The following DTNB variants were observed in gnomAD, a reference collection of about 807,000 sequenced individuals.
DTNB encodes dystrobrevin beta.
DTNB carries 63 observed loss-of-function variants against 90.7 expected under a neutral mutation model. That is an observed-to-expected ratio of 0.69 (90% CI 0.57 to 0.86). The LOEUF is 0.86. Ranked by LOEUF, DTNB falls within the 40% of genes least tolerant of loss-of-function variation. The pLI, the probability that DTNB is intolerant of heterozygous loss-of-function variation, is 0.00. For synonymous variants in DTNB, 277 were observed against 286.7 expected (o/e 0.97, Z 0.34); for missense variants, 744 against 807.1 (o/e 0.92, Z 0.95).
chr2:25,546,917 G>A (rs79780234), intron 8 of DTNB, among the ~76,000 whole-genome samples: 1,829 of 151,612 alleles, frequency 0.012, 37 homozygotes, highest in African/African-American at 0.042. Context: ...TGCAATCAGC[G>A]CTCACCATAG....
intron 16 of DTNB, among the ~76,000 whole-genome samples, chr2:25,390,144 T>C (rs1362868266): frequency 6.6e-6 from 1 of 152,232 alleles, no homozygotes; most frequent in African/African-American, 2.4e-5. Flanking sequence ...ATAGATGGTA[T>C]TTCACGCTTT....
chr2:25,563,061 T>C (rs1174873574), intron 8 of DTNB, among the ~76,000 whole-genome samples: 2 of 152,322 alleles, frequency 1.3e-5, no homozygotes, highest in Non-Finnish European at 2.9e-5. Flanking sequence ...TGAGCCACCA[T>C]GCCCAGCCTA....
chr2:25,612,140 A>G (rs994497166), intron 4 of DTNB, among the ~76,000 whole-genome samples: 1 of 152,166 alleles, frequency 6.6e-6, no homozygotes, highest in Non-Finnish European at 1.5e-5. Flanking sequence ...TAATGGCAAA[A>G]GACTGGAAAT....
chr2:25,388,272 G>A lies in DTNB; in HGVS notation c.1665C>T (p.Ser555=). ...AGTCCTGCGGACAGTGGGTGGGGGTGGAGCCGGCAGACGTGGAGCGCACTG... is the reference window on the plus strand; with the variant it reads ...AGTCCTGCGGACAGTGGGTGGGGGTAGAGCCGGCAGACGTGGAGCGCACTG... The part of the protein sequence containing the change: ...PMPVRSTSAG[S]TPTHCPQDSL... The change falls in exon 17 of 21, where the codon TCC becomes TCT. Residue 555 remains serine (S), a synonymous_variant. Coordinates refer to ENST00000406818, the MANE Select transcript of DTNB (RefSeq NM_021907.5). The A allele has an allele frequency of 6.2e-7, 1 of 1,610,970 alleles. No individual in the cohort carries two copies.
intron 17 of DTNB, 94 bp downstream of exon 17, chr2:25,388,108 G>A: frequency 6.6e-7 from 1 of 1,512,690 alleles, no homozygotes; most frequent in Non-Finnish European, 8.8e-7. Context: ...CAAGCAAAGA[G>A]CACAAAACAG....
At chr2:25,429,764 A>G (rs2053227463) in intron 14 of DTNB, among the ~76,000 whole-genome samples, 1 of 152,160 alleles carries the variant, frequency 6.6e-6, no homozygotes, top group African/African-American at 2.4e-5. Context: ...GAAACTCTCC[A>G]AGGGTTTCCA....
intron 9 of DTNB, among the ~76,000 whole-genome samples, chr2:25,507,163 T>C (rs1217734716): frequency 6.6e-6 from 1 of 152,216 alleles, no homozygotes; most frequent in Non-Finnish European, 1.5e-5. Context: ...ACCACACATA[T>C]CCCTGAAAGT....
chr2:25,409,134 A>G (rs2045996100), intron 16 of DTNB, among the ~76,000 whole-genome samples: 1 of 152,236 alleles, frequency 6.6e-6, no homozygotes, highest in Non-Finnish European at 1.5e-5. Context: ...ACCCTGGGGA[A>G]GAAGTTATTG....
At chr2:25,577,839 A>G (rs2060937926) in intron 7 of DTNB, among the ~76,000 whole-genome samples, 1 of 152,280 alleles carries the variant, frequency 6.6e-6, no homozygotes, top group South Asian at 2.1e-4. Context: ...CGTCTCTACT[A>G]AAAATATAAA....
At chr2:25,393,013 A>G (rs1471070873) in intron 16 of DTNB, among the ~76,000 whole-genome samples, 1 of 152,240 alleles carries the variant, frequency 6.6e-6, no homozygotes, top group Non-Finnish European at 1.5e-5. Context: ...CAAATCCAAC[A>G]GCATATCAAA....
chr2:25,569,317 T>G (rs1392517037), intron 8 of DTNB, among the ~76,000 whole-genome samples: 2 of 152,212 alleles, frequency 1.3e-5, no homozygotes, highest in East Asian at 3.8e-4. Context: ...ACCACAGTAC[T>G]GATGGCAAGG....
chr2:25,622,753 A>C (rs1331968598), intron 4 of DTNB, among the ~76,000 whole-genome samples: 1 of 152,210 alleles, frequency 6.6e-6, no homozygotes, highest in Non-Finnish European at 1.5e-5. Context: ...TTAGAAAAAC[A>C]AAACAAAACA....
chr2:25,639,198 T>C (rs1232481461), intron 2 of DTNB, 104 bp from the exon 3 acceptor site: 2 of 1,103,850 alleles, frequency 1.8e-6, no homozygotes, highest in East Asian at 5.5e-5. Flanking sequence ...ACCAGTCAGC[T>C]AGGACTTCTT....
At chr2:25,559,610 C>G (rs1159083331) in intron 8 of DTNB, among the ~76,000 whole-genome samples, 1 of 152,176 alleles carries the variant, frequency 6.6e-6, no homozygotes, top group Non-Finnish European at 1.5e-5. Context: ...ATGCACTGAT[C>G]GTAGTGGGAT....
intron 10 of DTNB, among the ~76,000 whole-genome samples, chr2:25,473,354 T>C (rs1033849963): frequency 1.3e-5 from 2 of 152,262 alleles, no homozygotes; most frequent in African/African-American, 2.4e-5. Flanking sequence ...TGCCAGGCTA[T>C]GGCCCATCAC....
At chr2:25,635,467 A>G (rs1394182978) in intron 3 of DTNB, among the ~76,000 whole-genome samples, 1 of 152,258 alleles carries the variant, frequency 6.6e-6, no homozygotes, top group South Asian at 2.1e-4. Context: ...AAAACATCCA[A>G]TGAAGGATGT....
At chr2:25,383,577 T>C (rs1177151532) in intron 19 of DTNB, 2 of 635,604 alleles carry the variant, frequency 3.1e-6, no homozygotes, top group Non-Finnish European at 5.2e-6. Context: ...ATCTTTTGTG[T>C]TCTACTTGTA....
intron 10 of DTNB, among the ~76,000 whole-genome samples, chr2:25,465,588 C>T (rs1035400083): frequency 3.3e-5 from 5 of 152,178 alleles, no homozygotes; most frequent in African/African-American, 4.8e-5. Flanking sequence ...CTGCTCACCG[C>T]GCTTCAGCCG....
intron 1 of DTNB, among the ~76,000 whole-genome samples, chr2:25,655,303 G>C (rs544472943): frequency 1.3e-5 from 2 of 152,286 alleles, no homozygotes; most frequent in South Asian, 4.1e-4. Flanking sequence ...TCTTAGCTGG[G>C]ATGCATGCCT....
Sources: gnomAD v4.1 joint callset for allele counts (sites outside exome capture counted in the v4.1 genomes callset) on GRCh38, gnomAD v4.1.1 for gene constraint, MANE v1.5 for transcripts, NCBI Gene and HGNC (gene_info 2026-07-23, HGNC 2026-07-21) for gene names.